ANKFN1: variants seen among roughly 807,000 people sequenced by gnomAD.
The protein encoded by ANKFN1 is ankyrin repeat and fibronectin type-III domain-containing protein 1.
In ANKFN1, 74 loss-of-function variants were observed where a neutral mutation model predicts 108.7. The ratio of observed to expected loss-of-function variants is 0.68; its 90% CI spans 0.56 to 0.83. ANKFN1 has a LOEUF of 0.83. Among genes scored for constraint, ANKFN1 ranks in the 40% least tolerant of loss-of-function variants. The probability of loss-of-function intolerance (pLI) is 0.00; values close to 1 mark genes in which losing one functional copy is unlikely to be tolerated. For missense variants in ANKFN1, 1,505 were observed against 1,382.3 expected, an observed-to-expected ratio of 1.09 and a Z score of -1.41; for synonymous variants, 547 against 516.2, an observed-to-expected ratio of 1.06 and a Z score of -0.81.
chr17:56,461,708 CTG>C (rs1324576475), intron 14 of ANKFN1, among the ~76,000 whole-genome samples: 1 of 152,190 alleles, frequency 6.6e-6, no homozygotes, highest in Non-Finnish European at 1.5e-5. Context: ...CCCACTTGGA[CTG>C]TGAGTTCCTC....
Position 56,412,562 on chromosome 17 carries a change from G to A in ANKFN1, c.911-27765G>A, listed in dbSNP as rs181008522. 3.2e-3 allele frequency among the ~76,000 whole-genome samples: 491 copies of A among 152,286 alleles called. 2 individuals are homozygous for A. The highest frequency in any genetic ancestry group is 8.1e-3 in the South Asian group (39 of 4,828). ...GCAGGCAGAGGAATGTGGAAGGACT[G>A]GACTGGCTGATCTTCTGGCCTTCAT... On this transcript the variant is annotated intron_variant, in intron 8 of 20. Transcript: ENST00000682825.
chr17:56,170,807 T>TATATACACACACACACACACACACACAC (rs1361307404), intron 1 of ANKFN1, among the ~76,000 whole-genome samples: 7 of 61,458 alleles, frequency 1.1e-4, no homozygotes, highest in Non-Finnish European at 2.0e-4. Context: ...TATATATATA[T>TATATACACACACACACACACACACACAC]ACACACACAC....
chr17:56,243,566 A>G (rs1318161512), intron 3 of ANKFN1, among the ~76,000 whole-genome samples: 1 of 152,106 alleles, frequency 6.6e-6, no homozygotes, highest in Non-Finnish European at 1.5e-5. Context: ...CCATCTTCAG[A>G]TACCTACTTA....
chr17:56,397,766 A>C (rs1482710961), intron 8 of ANKFN1, among the ~76,000 whole-genome samples: 1 of 152,208 alleles, frequency 6.6e-6, no homozygotes, highest in Non-Finnish European at 1.5e-5. Context: ...TATGTAGAGG[A>C]AAGAGACCTA....
upstream of ANKFN1, among the ~76,000 whole-genome samples, chr17:56,152,847 A>G (rs1277957995): frequency 6.6e-6 from 1 of 152,216 alleles, no homozygotes; most frequent in Non-Finnish European, 1.5e-5. Context: ...CTCTGAAAAG[A>G]AAGGCCAGCC....
intron 4 of ANKFN1, among the ~76,000 whole-genome samples, chr17:56,082,685 G>A (rs1026126630): frequency 6.6e-6 from 1 of 152,176 alleles, no homozygotes; most frequent in Non-Finnish European, 1.5e-5. Flanking sequence ...AAAGTATGTT[G>A]AGTGCCTAGT....
intron 3 of ANKFN1, chr17:56,323,623 G>A (rs2045433393): frequency 6.6e-6 from 1 of 152,348 alleles, no homozygotes; most frequent in Non-Finnish European, 1.5e-5. Flanking sequence ...ATGGTCACTT[G>A]GCAAGAAAGA....
chr17:56,405,154 G>A (rs1256974150), intron 8 of ANKFN1, among the ~76,000 whole-genome samples: 1 of 152,164 alleles, frequency 6.6e-6, no homozygotes, highest in African/African-American at 2.4e-5. Context: ...CCGGCCGGGA[G>A]GTGGCCCTTT....
intron 4 of ANKFN1, among the ~76,000 whole-genome samples, chr17:56,336,144 G>A (rs185241940): frequency 4.6e-5 from 7 of 152,196 alleles, no homozygotes; most frequent in Admixed American, 2.6e-4. Context: ...TTTTCGCATC[G>A]ATGTTCATCA....
At chr17:56,451,497 G>T (rs1316977075) in intron 11 of ANKFN1, among the ~76,000 whole-genome samples, 1 of 151,938 alleles carries the variant, frequency 6.6e-6, no homozygotes, top group East Asian at 1.9e-4. Flanking sequence ...CAAATACATT[G>T]AAATACTATG....
intron 1 of ANKFN1, among the ~76,000 whole-genome samples, chr17:56,187,841 CAAACACTG>C (rs1273892769): frequency 4.6e-5 from 7 of 151,402 alleles, no homozygotes; most frequent in Non-Finnish European, 8.8e-5. Flanking sequence ...GACAGAAAAC[CAAACACTG>C]CATGTTCTCA....
At position 56,511,174 on chromosome 17, in the gene ANKFN1, G is replaced by A. The variant is rs1362099875; in HGVS notation, c.3346G>A (p.Gly1116Ser). ...PWASLSPPSG[G>S]RITLPSPTGP... ...GGCAAGCTTGAGCCCGCCCTCTGGA[G>A]GCCGCATCACCCTGCCCAGCCCCAC... Residue 1116 changes from glycine to serine, a missense_variant, in exon 21 of 21, where the codon GGC becomes AGC. By Grantham distance (56) the Gly-to-Ser change is moderately conservative (BLOSUM62 0). Coordinates refer to ENST00000682825, the MANE Select transcript of ANKFN1 (RefSeq NM_001370326.1). The A allele has an allele frequency of 3.3e-6, 5 of 1,536,080 alleles. No individual in the cohort carries two copies. In the Admixed American group the frequency reaches 9.8e-5, roughly 30 times the overall value.
rs1016976723 is a variant in ANKFN1 at position 56,512,618 on chromosome 17, T to C, written c.*1349T>C. Among the ~76,000 whole-genome samples, 1 of 152,216 alleles carries C rather than the reference T, an allele frequency of 6.6e-6. No individual in the cohort carries two copies. Among genetic ancestry groups the C allele is most frequent in the African/African-American group, 2.4e-5 (1 of 41,454 alleles). ...TGGAGCCAAGACCCATTCACTTCAC[T>C]GACATTCTAAATGATCCTTTTCTGC... On this transcript the variant is annotated 3_prime_UTR_variant, in exon 21 of 21. Transcript: ENST00000682825.
chr17:56,150,690 C>T (rs1037087515), upstream of ANKFN1, among the ~76,000 whole-genome samples: 2 of 152,094 alleles, frequency 1.3e-5, no homozygotes, highest in African/African-American at 4.8e-5. Context: ...GAATGCCGAG[C>T]ACCAAAATAT....
At chr17:56,424,831 T>C (rs1168604868) in intron 8 of ANKFN1, among the ~76,000 whole-genome samples, 1 of 152,198 alleles carries the variant, frequency 6.6e-6, no homozygotes, top group Non-Finnish European at 1.5e-5. Flanking sequence ...AGTGTTGTTT[T>C]GAAAGTTATT....
At chr17:56,399,760 A>C (rs1387250853) in intron 8 of ANKFN1, among the ~76,000 whole-genome samples, 2 of 151,556 alleles carry the variant, frequency 1.3e-5, no homozygotes, top group Admixed American at 1.3e-4. Context: ...TACTTCACTT[A>C]GAATAATAGT....
At chr17:56,087,491 G>C (rs1447245713) in intron 4 of ANKFN1, among the ~76,000 whole-genome samples, 1 of 151,204 alleles carries the variant, frequency 6.6e-6, no homozygotes, top group Non-Finnish European at 1.5e-5. Context: ...GATACCTACT[G>C]CTTCTTTTGC....
At chr17:56,407,500 G>A (rs570406084) in intron 8 of ANKFN1, among the ~76,000 whole-genome samples, 3 of 152,316 alleles carry the variant, frequency 2.0e-5, no homozygotes, top group Middle Eastern at 6.8e-3. Context: ...TCTGAAGTGT[G>A]TGCTCATAAC....
At position 56,502,802 on chromosome 17, in the gene ANKFN1, C is replaced by G. The variant is rs371759206; in HGVS notation, c.2644+3704C>G. Among the ~76,000 whole-genome samples the G allele has an allele frequency of 3.9e-4, 60 of 152,324 alleles. 1 individual carries two copies. Among genetic ancestry groups the G allele is most frequent in the African/African-American group, 1.4e-3 (58 of 41,574 alleles). ...AAGGAGCCTGCTAGAAATATAGAGC[C>G]TATCACAAACCTAGCCTCTGATGCC... is the stretch of plus-strand genomic sequence containing the variant. On this transcript the variant is annotated intron_variant, in intron 20 of 20. Transcript: ENST00000682825.
Sources: allele counts gnomAD v4.1 joint callset (sites outside exome capture counted in the v4.1 genomes callset), GRCh38; gene constraint gnomAD v4.1.1; transcripts MANE v1.5; gene names NCBI Gene and HGNC (gene_info 2026-07-23, HGNC 2026-07-21).